FAF1: variants seen among roughly 807,000 people sequenced by gnomAD.
The protein encoded by FAF1 is Fas associated factor 1.
In FAF1, 25 loss-of-function variants were observed where a neutral mutation model predicts 92.5. The ratio of observed to expected loss-of-function variants is 0.27; its 90% CI spans 0.20 to 0.38. The LOEUF (loss-of-function observed/expected upper bound fraction) is 0.38. Ranked by LOEUF, FAF1 falls within the 10% of genes least tolerant of loss-of-function variation. FAF1 has a pLI of 1.00. For missense variants in FAF1, 636 were observed against 793.3 expected (o/e 0.80, Z 2.38); for synonymous variants, 234 against 273.2 (o/e 0.86, Z 1.42).
At chr1:50,951,400 A>G (rs905269611) in intron 1 of FAF1, among the ~76,000 whole-genome samples, 1 of 152,232 alleles carries the variant, frequency 6.6e-6, no homozygotes, top group African/African-American at 2.4e-5. Context: ...ACTGTCAAAA[A>G]TAACAGCTAA....
intron 8 of FAF1, among the ~76,000 whole-genome samples, chr1:50,596,980 G>T (rs1324094644): frequency 2.0e-5 from 3 of 151,954 alleles, no homozygotes; most frequent in Admixed American, 2.0e-4. Context: ...ACATACATAG[G>T]ACAAATGAAA....
chr1:50,808,320 T>C (rs572377290), intron 2 of FAF1, among the ~76,000 whole-genome samples: 55 of 152,194 alleles, frequency 3.6e-4, no homozygotes, highest in South Asian at 1.2e-3. Context: ...CTTAAGTACA[T>C]AGATCACTGA....
chr1:50,487,290 G>C (rs1458963390), intron 17 of FAF1, among the ~76,000 whole-genome samples: 1 of 151,992 alleles, frequency 6.6e-6, no homozygotes, highest in Non-Finnish European at 1.5e-5. Context: ...CCTTTGTTTT[G>C]GCCCAAGATA....
intron 1 of FAF1, among the ~76,000 whole-genome samples, chr1:50,892,624 C>A (rs76215192): frequency 0.23 from 34,823 of 152,078 alleles, 4,433 homozygotes; most frequent in Middle Eastern, 0.44. Flanking sequence ...GATACTTTAT[C>A]TTTGATCTCT....
chr1:50,795,679 C>T (rs1185637516), intron 3 of FAF1, among the ~76,000 whole-genome samples: 1 of 152,180 alleles, frequency 6.6e-6, no homozygotes, highest in Non-Finnish European at 1.5e-5. Context: ...CTCTTACATG[C>T]CTAACAGCTT....
chr1:50,712,649 CTG>C (rs1349897050), intron 6 of FAF1, among the ~76,000 whole-genome samples: 2 of 151,918 alleles, frequency 1.3e-5, no homozygotes, highest in Non-Finnish European at 2.9e-5. Context: ...GAGAGAGACT[CTG>C]TTGTAAAAGA....
intron 1 of FAF1, among the ~76,000 whole-genome samples, chr1:50,873,450 C>T (rs1432761199): frequency 6.6e-6 from 1 of 152,262 alleles, no homozygotes; most frequent in Middle Eastern, 3.4e-3. Flanking sequence ...ATGTACACGC[C>T]AGGCTTTTAT....
chr1:50,731,093 C>T (rs913845680), intron 6 of FAF1, among the ~76,000 whole-genome samples: 8 of 152,130 alleles, frequency 5.3e-5, no homozygotes, highest in Admixed American at 2.6e-4. Flanking sequence ...GTGATGGTCA[C>T]GCAGGCAAAA....
At chr1:50,451,891 T>A in intron 18 of FAF1, 1 of 1,082,036 alleles carries the variant, frequency 9.2e-7, no homozygotes, top group Non-Finnish European at 1.1e-6. Flanking sequence ...TAAGGTATTA[T>A]AATGTTAAAA....
Position 50,596,327 on chromosome 1 carries a change from C to T in FAF1, c.745-111G>A, listed in dbSNP as rs1157736699. On this transcript the variant is annotated intron_variant, in intron 8 of 18. Transcript: ENST00000396153. Reference sequence around the variant, plus strand: ...TGCTGAAGCTAGATTAGAAAGCTAACTCTAGTATCCTGGGTATTACATTAC... The same window carrying T: ...TGCTGAAGCTAGATTAGAAAGCTAATTCTAGTATCCTGGGTATTACATTAC... The T allele has an allele frequency of 5.4e-6, 4 of 744,316 alleles. No individual in the cohort carries two copies. In the African/African-American group the frequency reaches 7.1e-5, roughly 13 times the overall value. The allele number at this position is 744,316 out of a possible 1,614,324, so 46.1% of individuals were successfully genotyped here.
intron 12 of FAF1, among the ~76,000 whole-genome samples, chr1:50,576,633 G>GCCCCCCCCCCCCCACCCCCCCCCCC (rs59182122): frequency 7.6e-6 from 1 of 131,846 alleles, no homozygotes; most frequent in African/African-American, 2.7e-5. Context: ...TCTCCGCACC[G>GCCCCCCCCCCCCCACCCCCCCCCCC]CCCCCCCCCC....
intron 1 of FAF1, among the ~76,000 whole-genome samples, chr1:50,937,029 A>C (rs1199660978): frequency 6.6e-6 from 1 of 152,118 alleles, no homozygotes; most frequent in African/African-American, 2.4e-5. Flanking sequence ...ATTTAAGAGC[A>C]GGTAGAAAGA....
At chr1:50,444,696 T>C (rs1405949467) in intron 18 of FAF1, among the ~76,000 whole-genome samples, 2 of 152,238 alleles carry the variant, frequency 1.3e-5, no homozygotes, top group Non-Finnish European at 2.9e-5. Flanking sequence ...GGGAACCATG[T>C]TAAGTACTTT....
intron 2 of FAF1, among the ~76,000 whole-genome samples, chr1:50,850,023 C>T (rs1391938894): frequency 1.3e-5 from 2 of 150,510 alleles, no homozygotes; most frequent in African/African-American, 2.4e-5. Context: ...TGTCAGGTGT[C>T]CCTACTGAAA....
At chr1:50,630,056 CAA>C (rs56806783) in intron 8 of FAF1, among the ~76,000 whole-genome samples, 1 of 137,988 alleles carries the variant, frequency 7.2e-6, no homozygotes, top group African/African-American at 2.6e-5. Context: ...GCCTCTGTCT[CAA>C]AAAAAAAAAC....
At chr1:50,751,786 T>C (rs1268646028) in intron 4 of FAF1, among the ~76,000 whole-genome samples, 1 of 152,242 alleles carries the variant, frequency 6.6e-6, no homozygotes. Context: ...TAAGAAATAT[T>C]TTCCTGTAAA....
At chr1:50,884,442 C>A (rs984035015) in intron 1 of FAF1, among the ~76,000 whole-genome samples, 3 of 151,332 alleles carry the variant, frequency 2.0e-5, no homozygotes. Flanking sequence ...GCAGGAGAAT[C>A]GCTTGAACCT....
intron 4 of FAF1, among the ~76,000 whole-genome samples, chr1:50,750,998 T>C (rs2124509735): frequency 6.7e-6 from 1 of 148,412 alleles, no homozygotes; most frequent in East Asian, 2.0e-4. Flanking sequence ...ATGAAATGGG[T>C]GTTGAATATT....
intron 1 of FAF1, among the ~76,000 whole-genome samples, chr1:50,868,413 A>G (rs1264037083): frequency 2.0e-5 from 3 of 152,104 alleles, no homozygotes; most frequent in Admixed American, 2.0e-4. Flanking sequence ...TATTTCACTC[A>G]TTTCTGGATT....
Sources: gnomAD v4.1 joint callset for allele counts (sites outside exome capture counted in the v4.1 genomes callset) on GRCh38, gnomAD v4.1.1 for gene constraint, MANE v1.5 for transcripts, NCBI Gene and HGNC (gene_info 2026-07-23, HGNC 2026-07-21) for gene names.